NUP205: variants seen among roughly 807,000 people sequenced by gnomAD.
NUP205 encodes the protein nucleoporin 205.
Under a neutral mutation model 253.8 loss-of-function variants are expected in NUP205, and 76 were observed. The observed-to-expected ratio is 0.30, with a 90% CI of 0.25 to 0.36. The LOEUF (loss-of-function observed/expected upper bound fraction) is 0.36, where lower values mean the gene tolerates loss of function less well. NUP205 is among the 10% of genes least tolerant of loss of function. The pLI is 1.00. For missense variants in NUP205, 2,162 were observed against 2,425.5 expected (o/e 0.89, Z 2.28); for synonymous variants, 832 against 850.1 (o/e 0.98, Z 0.37).
In NUP205 at chr7:135,619,446, A is replaced by G. The variant is rs1025598043; in HGVS notation, c.3987A>G (p.Gln1329=). Residue 1329 remains glutamine, a synonymous_variant, in exon 29 of 43, where the codon CAA becomes CAG. Transcript: ENST00000285968. ...AGATACTGGATGATGAAGCTGCGCAAGAGTTAATGCCTGTGGTCGCCGGGG... is the reference window on the plus strand; with the variant it reads ...AGATACTGGATGATGAAGCTGCGCAGGAGTTAATGCCTGTGGTCGCCGGGG... The part of the protein sequence containing the change: ...HDKILDDEAA[Q]ELMPVVAGAV... The G allele has an allele frequency of 3.1e-6, 5 of 1,612,922 alleles. 1 individual carries two copies. The African/African-American group carries it at 5.3e-5, about 17-fold the overall frequency.
chr7:135,593,776 A>G (rs1793755509), intron 12 of NUP205, among the ~76,000 whole-genome samples: 2 of 152,220 alleles, frequency 1.3e-5, no homozygotes, highest in South Asian at 4.1e-4. Flanking sequence ...TAACATTATT[A>G]GGCATCAAAA....
In NUP205 at chr7:135,645,458, T is replaced by C; in HGVS notation, c.5684-10T>C. 1.9e-6 allele frequency: 3 copies of C among 1,609,072 alleles called. No homozygotes were observed. The highest frequency in any genetic ancestry group is 2.5e-6 in the Non-Finnish European group (3 of 1,178,586). On this transcript the variant is annotated splice_polypyrimidine_tract_variant and intron_variant, in intron 40 of 42. Coordinates refer to ENST00000285968, the MANE Select transcript of NUP205 (RefSeq NM_015135.3). ...GAGATTATGTTCCTTTAATCTGAGC[T>C]CTGGTATAGTTATCATAGAGACCTG...
At chr7:135,567,227 G>T (rs376945664) in intron 1 of NUP205, among the ~76,000 whole-genome samples, 2 of 128,894 alleles carry the variant, frequency 1.6e-5, no homozygotes, top group African/African-American at 5.8e-5. Flanking sequence ...ATGAAAGTAT[G>T]AATAAATAAT....
intron 9 of NUP205, 43 bp downstream of exon 9, chr7:135,587,734 C>G (rs1452353867): frequency 6.6e-7 from 1 of 1,525,616 alleles, no homozygotes; most frequent in Non-Finnish European, 8.9e-7. Flanking sequence ...TCCCTCCTTT[C>G]ATTATTTTTT....
At chr7:135,611,760 A>C (rs1320345656) in intron 22 of NUP205, among the ~76,000 whole-genome samples, 2 of 151,984 alleles carry the variant, frequency 1.3e-5, no homozygotes, top group Non-Finnish European at 2.9e-5. Context: ...AATCGCTTGA[A>C]CCTGGGAGGT....
chr7:135,571,314 CTCTTT>C (rs1805992214), intron 2 of NUP205, 67 bp downstream of exon 2: 2 of 1,079,650 alleles, frequency 1.9e-6, no homozygotes, highest in Admixed American at 3.3e-5. Context: ...AGGAAGTAAA[CTCTTT>C]TCTTTTTTTT....
chr7:135,602,104 A>T (rs1332120352), intron 17 of NUP205, among the ~76,000 whole-genome samples: 1 of 152,198 alleles, frequency 6.6e-6, no homozygotes, highest in Non-Finnish European at 1.5e-5. Context: ...TCCAGAGCTC[A>T]TGCTTTTTAC....
intron 15 of NUP205, among the ~76,000 whole-genome samples, chr7:135,598,609 T>C (rs1036773642): frequency 1.3e-5 from 2 of 152,238 alleles, no homozygotes; most frequent in Admixed American, 1.3e-4. Flanking sequence ...TGTGGAGTAC[T>C]GGTTTAGCGG....
chr7:135,641,530 G>A (rs1199349744), intron 38 of NUP205, among the ~76,000 whole-genome samples: 1 of 152,128 alleles, frequency 6.6e-6, no homozygotes, highest in Admixed American at 6.5e-5. Flanking sequence ...AGCACTTTGG[G>A]AGGCTAAGGC....
chr7:135,598,060 G>A lies in NUP205; in HGVS notation c.2127G>A (p.Gln709=). Residue 709 remains glutamine (Q), a synonymous_variant, in exon 15 of 43, where the codon CAG becomes CAA. Coordinates refer to ENST00000285968, the MANE Select transcript of NUP205 (RefSeq NM_015135.3). ...ACCCATTGACTCGGGCCTTTTGCCA[G>A]CTTATTAGTACTCTGGTGGAGAGCT... ...EEYPLTRAFC[Q]LISTLVESSF... is the part of the protein sequence containing the mutation. 6.2e-7 allele frequency: 1 copy of A among 1,614,114 alleles called. No individual in the cohort carries two copies. Among genetic ancestry groups the A allele is most frequent in the Non-Finnish European group, 8.5e-7 (1 of 1,180,004 alleles).
intron 22 of NUP205, among the ~76,000 whole-genome samples, chr7:135,609,058 C>T (rs772677419): frequency 2.3e-4 from 32 of 141,254 alleles, no homozygotes; most frequent in Middle Eastern, 3.8e-3. Context: ...GAACCTAGAT[C>T]GTGCCACTGT....
intron 8 of NUP205, 28 bp downstream of exon 8, chr7:135,585,035 A>T: frequency 6.7e-7 from 1 of 1,503,284 alleles, no homozygotes. Context: ...GGATGAGTAA[A>T]TAGTAGAAGA....
chr7:135,576,742 C>G (rs1002686397), intron 4 of NUP205, among the ~76,000 whole-genome samples: 2 of 152,006 alleles, frequency 1.3e-5, no homozygotes, highest in Non-Finnish European at 2.9e-5. Context: ...ATTAACTGGG[C>G]ATGATGGCAT....
chr7:135,627,390 C>T (rs1231108991), intron 33 of NUP205, among the ~76,000 whole-genome samples: 2 of 150,802 alleles, frequency 1.3e-5, no homozygotes, highest in Non-Finnish European at 3.0e-5. Context: ...AAATCTCAAA[C>T]TTTCTGAGTG....
At position 135,645,496 on chromosome 7, in the gene NUP205, T is replaced by C. The variant is rs1358838127; in HGVS notation, c.5712T>C (p.Leu1904=). 1 of 1,614,086 alleles carries C rather than the reference T, an allele frequency of 6.2e-7. No individual in the cohort carries two copies. The change falls in exon 41 of 43, where the codon CTT becomes CTC. Residue 1904 remains leucine (L), a synonymous_variant. Coordinates refer to ENST00000285968, the MANE Select transcript of NUP205 (RefSeq NM_015135.3). ...SFIIETCLFI[L]WRHLEYYLLH... is the part of the protein sequence containing the mutation. ...TCATAGAGACCTGCCTATTTATTCT[T>C]TGGCGCCATCTGGAGTACTACTTGT... is the stretch of plus-strand genomic sequence containing the variant.
At chr7:135,604,517 A>G (rs1160091598) in intron 19 of NUP205, 57 bp downstream of exon 19, 2 of 1,512,882 alleles carry the variant, frequency 1.3e-6, no homozygotes, top group Non-Finnish European at 1.8e-6. Flanking sequence ...TTGACTATAT[A>G]TGGAAGTTCT....
rs1312189150 is a variant in NUP205 at position 135,630,414 on chromosome 7, G to C, written c.5003G>C (p.Gly1668Ala). The stretch of plus-strand genomic sequence containing the variant: ...CTGCGCTGTCAGGATGTTAGTGCTG[G>C]GTCTTTGCAGGAATTGGCTCTGCTG... The part of the protein sequence containing the change: ...AILRCQDVSA[G>A]SLQELALLTG... Residue 1668 changes from glycine (G) to alanine (A), a missense_variant, in exon 35 of 43, where the codon GGG becomes GCG. Transcript: ENST00000285968. The C allele has an allele frequency of 1.2e-6, 2 of 1,610,708 alleles. No individual in the cohort carries two copies. The highest frequency in any genetic ancestry group is 2.7e-5 in the African/African-American group (2 of 74,832).
At chr7:135,594,457 C>A in intron 12 of NUP205, 90 bp from the exon 13 acceptor site, 1 of 961,572 alleles carries the variant, frequency 1.0e-6, no homozygotes, top group Non-Finnish European at 1.6e-6. Context: ...CATGAGGACT[C>A]AGTATAAATG....
intron 11 of NUP205, 124 bp downstream of exon 11, chr7:135,591,724 A>G (rs1806634458): frequency 6.2e-6 from 5 of 801,102 alleles, no homozygotes; most frequent in Non-Finnish European, 7.8e-6. Context: ...TATTTTCATA[A>G]CAATAGGGTG....
Sources: allele counts gnomAD v4.1 joint callset (sites outside exome capture counted in the v4.1 genomes callset), GRCh38; gene constraint gnomAD v4.1.1; transcripts MANE v1.5; gene names NCBI Gene and HGNC (gene_info 2026-07-23, HGNC 2026-07-21).